The following UGGT2 variants were observed in gnomAD, a reference collection of about 807,000 sequenced individuals.
The protein encoded by UGGT2 is UDP-glucose:glycoprotein glucosyltransferase 2.
Under a neutral mutation model 192.1 loss-of-function variants are expected in UGGT2, and 180 were observed. That is an observed-to-expected ratio of 0.94 (90% confidence interval 0.83 to 1.06). UGGT2 has a LOEUF of 1.06. Ranked by LOEUF, UGGT2 falls within the 50% of genes least tolerant of loss-of-function variation. The probability of loss-of-function intolerance (pLI) is 0.00; values close to 1 mark genes in which losing one functional copy is unlikely to be tolerated. For synonymous variants in UGGT2, 580 were observed against 591.0 expected, an observed-to-expected ratio of 0.98 and a Z score of 0.27; for missense variants, 1,849 against 1,795.7, an observed-to-expected ratio of 1.03 and a Z score of -0.54.
chr13:96,023,178 C>T, intron 3 of UGGT2, 26 bp from the exon 4 acceptor site: 1 of 1,528,740 alleles, frequency 6.5e-7, no homozygotes, highest in Non-Finnish European at 8.8e-7. Context: ...TTATATTTAG[C>T]TACAGCAGTT....
intron 15 of UGGT2, among the ~76,000 whole-genome samples, chr13:95,945,094 A>C (rs2049820839): frequency 1.3e-5 from 2 of 152,080 alleles, no homozygotes; most frequent in South Asian, 2.1e-4. Flanking sequence ...CTTTTCTGCT[A>C]GTATGCTAAA....
rs76371680 is a variant in UGGT2 at position 95,901,048 on chromosome 13, A to G, written c.2503-110T>C. On this transcript the variant is annotated intron_variant, in intron 21 of 38. Coordinates refer to ENST00000376747, the MANE Select transcript of UGGT2 (RefSeq NM_020121.4). ...TAAAATTTTAAATAATACTTTCAAA[A>G]TCATTATTTGGTATAATTTTCTTTG... 4.5e-4 allele frequency: 362 copies of G among 806,698 alleles called. 1 individual carries two copies. Among genetic ancestry groups the G allele is most frequent in the Non-Finnish European group, 5.5e-4 (333 of 607,770 alleles). 50.0% of individuals were successfully genotyped at this position (806,698 alleles called of 1,614,324 possible).
At chr13:95,984,590 A>G (rs1223197746) in intron 9 of UGGT2, among the ~76,000 whole-genome samples, 5 of 152,080 alleles carry the variant, frequency 3.3e-5, no homozygotes, top group Non-Finnish European at 5.9e-5. Flanking sequence ...GCCACCTCCC[A>G]AAGTGCTGAA....
At chr13:95,809,458 C>T in intron 38 of UGGT2, 1 of 373,896 alleles carries the variant, frequency 2.7e-6, no homozygotes, top group Non-Finnish European at 5.2e-6. Context: ...CTTTTGTTTG[C>T]ACGTTCTGTC....
chr13:95,909,462 T>C (rs2048403867), intron 20 of UGGT2, among the ~76,000 whole-genome samples: 1 of 150,888 alleles, frequency 6.6e-6, no homozygotes, highest in African/African-American at 2.4e-5. Flanking sequence ...GGGACATGGA[T>C]GAAACTGGAA....
At position 95,884,491 on chromosome 13, in the gene UGGT2, AT is replaced by A; in HGVS notation, c.3227del (p.Asp1076ValfsTer12). ...TATATGACTATACACAATAACTTAC[AT>A]CCTTTAAGTGAATATTATCAAGGTC... ...NCDLDNIHLKDTEKTVTAEYE... is the reference protein window; with the variant it reads ...NCDLDNIHLKXTEKTVTAEYE... On this transcript the variant is annotated frameshift_variant and splice_region_variant, in exon 27 of 39. Coordinates refer to ENST00000376747, the MANE Select transcript of UGGT2 (RefSeq NM_020121.4). LOFTEE classifies it high-confidence loss of function. 1 of 1,606,706 alleles carries A rather than the reference AT, an allele frequency of 6.2e-7. No individual in the cohort carries two copies. The highest frequency in any genetic ancestry group is 8.5e-7 in the Non-Finnish European group (1 of 1,176,860).
At chr13:95,898,695 T>C (rs924328473) in intron 22 of UGGT2, among the ~76,000 whole-genome samples, 6 of 152,050 alleles carry the variant, frequency 3.9e-5, no homozygotes, top group East Asian at 1.9e-4. Context: ...AATGCCACTA[T>C]AAAAAGGCTT....
chr13:95,905,156 G>T (rs575852377), intron 20 of UGGT2, among the ~76,000 whole-genome samples: 15 of 152,056 alleles, frequency 9.9e-5, no homozygotes, highest in Non-Finnish European at 1.2e-4. Context: ...TGTTTTTTTC[G>T]TGTAAATTTG....
At chr13:96,004,391 G>C (rs1443137495) in intron 5 of UGGT2, among the ~76,000 whole-genome samples, 2 of 152,114 alleles carry the variant, frequency 1.3e-5, no homozygotes, top group Non-Finnish European at 2.9e-5. Context: ...CAGGGAGACA[G>C]AGACTAGAAT....
intron 1 of UGGT2, among the ~76,000 whole-genome samples, chr13:96,036,344 G>A (rs915952118): frequency 6.6e-6 from 1 of 152,166 alleles, no homozygotes; most frequent in Non-Finnish European, 1.5e-5. Context: ...ACAAGTGGGA[G>A]CTGAATGATG....
chr13:95,886,073 T>C (rs2047638224), intron 26 of UGGT2, among the ~76,000 whole-genome samples: 1 of 152,056 alleles, frequency 6.6e-6, no homozygotes, highest in Admixed American at 6.5e-5. Context: ...ATATGTGATA[T>C]AGCAAGGATC....
chr13:95,990,178 G>A, intron 7 of UGGT2, 105 bp from the exon 8 acceptor site: 3 of 570,646 alleles, frequency 5.3e-6, no homozygotes, highest in South Asian at 7.0e-5. Flanking sequence ...AGACATAAAT[G>A]AATCATTCAT....
intron 12 of UGGT2, among the ~76,000 whole-genome samples, chr13:95,956,215 T>A (rs2050207443): frequency 6.6e-6 from 1 of 152,150 alleles, no homozygotes. Flanking sequence ...AGGACAGACA[T>A]ACAGATCAGT....
chr13:95,909,747 T>TATAATAATCATA (rs2048417395), intron 20 of UGGT2, among the ~76,000 whole-genome samples: 1 of 109,388 alleles, frequency 9.1e-6, no homozygotes, highest in Non-Finnish European at 1.7e-5. Context: ...AAACTTGAAG[T>TATAATAATCATA]ATAATAATAA....
chr13:95,857,999 G>GT (rs71113957), intron 33 of UGGT2, among the ~76,000 whole-genome samples: 21,195 of 139,606 alleles, frequency 0.15, 1,819 homozygotes, highest in East Asian at 0.34. Flanking sequence ...TTCTTTTTCT[G>GT]TTTTTTTTTT....
intron 20 of UGGT2, among the ~76,000 whole-genome samples, 190 bp from the exon 21 acceptor site, chr13:95,903,250 A>G (rs2048164545): frequency 6.6e-6 from 1 of 152,148 alleles, no homozygotes; most frequent in Non-Finnish European, 1.5e-5. Flanking sequence ...ACTAACTCTA[A>G]TTCCTTCAGA....
At chr13:95,841,851 G>C (rs1398112403) in intron 36 of UGGT2, among the ~76,000 whole-genome samples, 2 of 152,128 alleles carry the variant, frequency 1.3e-5, no homozygotes, top group East Asian at 3.8e-4. Context: ...TCCATTTTGA[G>C]TTAATTTTTA....
At chr13:95,874,837 G>T (rs1283172708) in intron 29 of UGGT2, among the ~76,000 whole-genome samples, 1 of 152,092 alleles carries the variant, frequency 6.6e-6, no homozygotes, top group African/African-American at 2.4e-5. Flanking sequence ...GACTACAGGT[G>T]TGAGCTACTG....
At chr13:95,856,104 T>C (rs557026844) in intron 34 of UGGT2, 54 bp downstream of exon 34, 180 of 1,375,920 alleles carry the variant, frequency 1.3e-4, no homozygotes, top group Middle Eastern at 1.8e-4. Flanking sequence ...TATATTAAGA[T>C]AGAAGTGTAA....
Sources: allele counts gnomAD v4.1 joint callset (sites outside exome capture counted in the v4.1 genomes callset), GRCh38; gene constraint gnomAD v4.1.1; transcripts MANE v1.5; gene names NCBI Gene and HGNC (gene_info 2026-07-23, HGNC 2026-07-21).